The following THADA variants were observed in gnomAD, a reference collection of about 807,000 sequenced individuals.
THADA encodes tRNA (32-2'-O)-methyltransferase regulator THADA.
THADA carries 213 observed loss-of-function variants against 219.8 expected under a neutral mutation model. The observed-to-expected ratio is 0.97, with a 90% CI of 0.87 to 1.09. The LOEUF is 1.09. Among genes scored for constraint, THADA ranks in the 50% least tolerant of loss-of-function variants. THADA has a pLI of 0.00. For synonymous variants in THADA, 1,018 were observed against 828.9 expected (o/e 1.23, Z -3.92); for missense variants, 2,956 against 2,311.3 (o/e 1.28, Z -5.72).
At position 43,394,100 on chromosome 2, in the gene THADA, G is replaced by A. The variant is rs79424879; in HGVS notation, c.4227+3871C>T. ...TAGTGATGTTCCCAAATGAGGTAAT[G>A]TCCATGGCTCTTATCTAGCCTTTAT... On this transcript the variant is annotated intron_variant, in intron 29 of 37. Coordinates refer to ENST00000405975, the MANE Select transcript of THADA (RefSeq NM_022065.5). 6.4e-3 allele frequency among the ~76,000 whole-genome samples: 978 copies of A among 152,300 alleles called. 8 individuals are homozygous for A. The highest frequency in any genetic ancestry group is 0.044 in the Middle Eastern group (13 of 294).
At chr2:43,545,756 TTC>T (rs1323206099) in intron 20 of THADA, among the ~76,000 whole-genome samples, 1 of 152,014 alleles carries the variant, frequency 6.6e-6, no homozygotes, top group East Asian at 1.9e-4. Context: ...TATTTGATTC[TTC>T]TCTCTTTTCT....
Position 43,378,978 on chromosome 2 carries a change from T to C in THADA, c.4227+18993A>G, listed in dbSNP as rs58732766. 6.8e-3 allele frequency among the ~76,000 whole-genome samples: 1,037 copies of C among 152,126 alleles called. 14 individuals carry two copies. Among genetic ancestry groups the C allele is most frequent in the African/African-American group, 0.024 (984 of 41,510 alleles). ...CCTCAACTGGAGGATAAGACAGAAA[T>C]TGAGTAAGACAGAAATCAAAATCAG... On this transcript the variant is annotated intron_variant, in intron 29 of 37. Coordinates refer to ENST00000405975, the MANE Select transcript of THADA (RefSeq NM_022065.5).
At chr2:43,357,870 A>G (rs1006345072) in intron 29 of THADA, among the ~76,000 whole-genome samples, 1 of 152,218 alleles carries the variant, frequency 6.6e-6, no homozygotes, top group Non-Finnish European at 1.5e-5. Context: ...TGTAATTTAG[A>G]AAGTTTTACA....
chr2:43,349,993 C>A (rs1356902443), intron 29 of THADA, among the ~76,000 whole-genome samples: 1 of 152,162 alleles, frequency 6.6e-6, no homozygotes, highest in Non-Finnish European at 1.5e-5. Context: ...AGTGTTTACA[C>A]AGGATTTTAT....
chr2:43,479,547 C>T (rs1685935374), intron 26 of THADA, among the ~76,000 whole-genome samples: 1 of 151,858 alleles, frequency 6.6e-6, no homozygotes. Flanking sequence ...TTATCATAAG[C>T]CTCAAAATCC....
In THADA at chr2:43,292,188, TCAC is replaced by T; in HGVS notation, c.4850_4852del (p.Gly1617del). ...ACAGTGCTCCGTCTGGGGAAGCCAC[TCAC>T]CAGGGTCCATGCAGTGGAGAATTTT... On this transcript the variant is annotated inframe_deletion, in exon 33 of 38. Coordinates refer to ENST00000405975, the MANE Select transcript of THADA (RefSeq NM_022065.5). The T allele has an allele frequency of 1.2e-6, 2 of 1,611,778 alleles. No homozygotes were observed. The highest frequency in any genetic ancestry group is 1.7e-6 in the Non-Finnish European group (2 of 1,179,104).
chr2:43,577,187 A>C lies in THADA; in HGVS notation c.872T>G (p.Met291Arg). 1 of 1,606,576 alleles carries C rather than the reference A, an allele frequency of 6.2e-7. No homozygotes were observed. Among genetic ancestry groups the C allele is most frequent in the South Asian group, 1.1e-5 (1 of 89,230 alleles). The change falls in exon 10 of 38, where the codon ATG (methionine) becomes AGG (arginine). Residue 291 changes from methionine (M) to arginine (R), a missense_variant. Transcript: ENST00000405975. Reference sequence around the variant, plus strand: ...ACAACAGAGGCTCCTGCAGCTGCTCATAAACCACTCGGGGACACTGGTGCA... The same window carrying C: ...ACAACAGAGGCTCCTGCAGCTGCTCCTAAACCACTCGGGGACACTGGTGCA... Reference protein sequence around the residue: ...VDCTSVPEWFMSSCRSLCCGD... With the variant: ...VDCTSVPEWFRSSCRSLCCGD...
Position 43,485,312 on chromosome 2 carries a change from G to A in THADA, c.3758C>T (p.Ser1253Phe). 2 of 1,612,590 alleles carry A rather than the reference G, an allele frequency of 1.2e-6. No homozygotes were observed. Among genetic ancestry groups the A allele is most frequent in the Non-Finnish European group, 1.7e-6 (2 of 1,179,164 alleles). The change falls in exon 26 of 38, where the codon TCC becomes TTC. Residue 1253 changes from serine to phenylalanine, a missense_variant. Physicochemically the swap from Ser to Phe is radical, Grantham distance 155. Transcript: ENST00000405975. The part of the protein sequence containing the change: ...TSPVWAVRNS[S>F]TLLFSALITR... ...GATCAAGGCACTAAAGAGAAGTGTG[G>A]ATGAATTTCGCACCTAATGTACAAA... is the stretch of plus-strand genomic sequence containing the variant.
chr2:43,427,752 C>T (rs939548538), intron 28 of THADA, among the ~76,000 whole-genome samples: 7 of 149,386 alleles, frequency 4.7e-5, no homozygotes, highest in African/African-American at 7.3e-5. Flanking sequence ...GTCAGGAGAT[C>T]GAGACCATTC....
intron 36 of THADA, among the ~76,000 whole-genome samples, chr2:43,263,532 A>G (rs896546852): frequency 4.6e-5 from 7 of 152,140 alleles, no homozygotes; most frequent in African/African-American, 1.7e-4. Flanking sequence ...CCATGAGGAC[A>G]AGCACGGGGT....
At chr2:43,287,508 G>A (rs900907867) in intron 34 of THADA, among the ~76,000 whole-genome samples, 1 of 152,146 alleles carries the variant, frequency 6.6e-6, no homozygotes, top group Admixed American at 6.5e-5. Flanking sequence ...TGTTGGTCAG[G>A]CTGGTCTCAA....
At chr2:43,256,614 T>A (rs1670342286) in intron 36 of THADA, among the ~76,000 whole-genome samples, 1 of 149,576 alleles carries the variant, frequency 6.7e-6, no homozygotes, top group Non-Finnish European at 1.5e-5. Context: ...AATAAATAAT[T>A]TTTTTTTTTT....
intron 28 of THADA, among the ~76,000 whole-genome samples, chr2:43,407,355 TTTTA>T (rs1386318660): frequency 6.6e-6 from 1 of 152,240 alleles, no homozygotes; most frequent in Admixed American, 6.5e-5. Context: ...AAAGGAATGC[TTTTA>T]TTGACATTAA....
At chr2:43,294,637 G>T (rs1400034920) in intron 31 of THADA, among the ~76,000 whole-genome samples, 3 of 152,164 alleles carry the variant, frequency 2.0e-5, no homozygotes, top group African/African-American at 7.2e-5. Context: ...AAGCAGTAAG[G>T]TCAGGGGCCC....
intron 26 of THADA, among the ~76,000 whole-genome samples, chr2:43,449,468 G>C (rs1682027422): frequency 6.6e-6 from 1 of 152,088 alleles, no homozygotes; most frequent in African/African-American, 2.4e-5. Flanking sequence ...CATCCAAGAA[G>C]CTCAATAAAC....
At chr2:43,359,843 C>G (rs2104584920) in intron 29 of THADA, among the ~76,000 whole-genome samples, 1 of 151,276 alleles carries the variant, frequency 6.6e-6, no homozygotes. Flanking sequence ...AGGCTGGACT[C>G]AAACTCCTAG....
At chr2:43,453,841 T>G (rs1277266595) in intron 26 of THADA, among the ~76,000 whole-genome samples, 1 of 152,224 alleles carries the variant, frequency 6.6e-6, no homozygotes, top group Non-Finnish European at 1.5e-5. Context: ...TGTTTGCTAC[T>G]TCAACTATAT....
chr2:43,501,627 T>C (rs949240788), intron 24 of THADA, among the ~76,000 whole-genome samples: 1 of 152,082 alleles, frequency 6.6e-6, no homozygotes, highest in African/African-American at 2.4e-5. Context: ...ATTCTAACTT[T>C]TTATAAAGAC....
intron 9 of THADA, among the ~76,000 whole-genome samples, chr2:43,577,490 T>G (rs1368061415): frequency 6.6e-6 from 1 of 151,524 alleles, no homozygotes; most frequent in East Asian, 1.9e-4. Context: ...CACCTGCAGG[T>G]GGATAAGCTT....
Sources: gnomAD v4.1 joint callset for allele counts (sites outside exome capture counted in the v4.1 genomes callset) on GRCh38, gnomAD v4.1.1 for gene constraint, MANE v1.5 for transcripts, NCBI Gene and HGNC (gene_info 2026-07-23, HGNC 2026-07-21) for gene names.